EPHA6: variants seen among roughly 807,000 people sequenced by gnomAD.
EPHA6 encodes the protein EPH receptor A6.
A neutral mutation model predicts 112.0 loss-of-function variants in EPHA6; 50 were observed. The ratio of observed to expected loss-of-function variants is 0.45; its 90% CI spans 0.36 to 0.56. The LOEUF is 0.56. EPHA6 is among the 20% of genes least tolerant of loss of function. The pLI, the probability that EPHA6 is intolerant of heterozygous loss-of-function variation, is 0.00. For missense variants in EPHA6, 1,280 were observed against 1,417.4 expected (o/e 0.90, Z 1.56); for synonymous variants, 529 against 490.7 (o/e 1.08, Z -1.03).
chr3:96,957,889 C>T (rs2041818998), intron 2 of EPHA6, among the ~76,000 whole-genome samples: 1 of 152,016 alleles, frequency 6.6e-6, no homozygotes, highest in East Asian at 1.9e-4. Flanking sequence ...GGGTTGTTTT[C>T]ACTACATGTG....
intron 2 of EPHA6, among the ~76,000 whole-genome samples, chr3:96,904,873 A>G (rs1575988411): frequency 6.6e-6 from 1 of 152,266 alleles, no homozygotes; most frequent in East Asian, 1.9e-4. Context: ...AATTAAAACT[A>G]TATTTCACCT....
At chr3:97,467,377 T>C (rs1266725701) in intron 7 of EPHA6, among the ~76,000 whole-genome samples, 1 of 151,866 alleles carries the variant, frequency 6.6e-6, no homozygotes, top group Non-Finnish European at 1.5e-5. Flanking sequence ...AAATTTGTGA[T>C]CCCTAATGAT....
At chr3:96,958,651 C>G (rs958894419) in intron 2 of EPHA6, among the ~76,000 whole-genome samples, 1 of 152,142 alleles carries the variant, frequency 6.6e-6, no homozygotes, top group African/African-American at 2.4e-5. Context: ...ATCTCAAGAA[C>G]TAGACAAACG....
chr3:97,672,197 T>C (rs1485530563), intron 14 of EPHA6, among the ~76,000 whole-genome samples: 1 of 152,222 alleles, frequency 6.6e-6, no homozygotes. Context: ...CAAGATCTGG[T>C]TCTTACCTAT....
intron 2 of EPHA6, among the ~76,000 whole-genome samples, chr3:96,953,877 C>CT (rs201760996): frequency 0.086 from 12,647 of 146,694 alleles, 922 homozygotes; most frequent in Admixed American, 0.22. Flanking sequence ...ATTTCAATAA[C>CT]TTTTTTTTTT....
At chr3:96,927,713 G>T (rs2040110270) in intron 2 of EPHA6, among the ~76,000 whole-genome samples, 1 of 152,082 alleles carries the variant, frequency 6.6e-6, no homozygotes, top group Admixed American at 6.5e-5. Flanking sequence ...TCTCTAGGAG[G>T]TTCCAAATTT....
intron 2 of EPHA6, among the ~76,000 whole-genome samples, chr3:96,888,103 C>T (rs1263644046): frequency 1.3e-5 from 2 of 152,110 alleles, no homozygotes; most frequent in Admixed American, 6.5e-5. Flanking sequence ...CAAGTTCTGG[C>T]CAGGAAGCTT....
intron 1 of EPHA6, among the ~76,000 whole-genome samples, chr3:96,819,813 C>A (rs2107211937): frequency 6.6e-6 from 1 of 151,972 alleles, no homozygotes; most frequent in South Asian, 2.1e-4. Flanking sequence ...GTTTTGTAAA[C>A]TAAAATTTGG....
chr3:96,961,759 G>C (rs1390039579), intron 2 of EPHA6, among the ~76,000 whole-genome samples: 1 of 152,122 alleles, frequency 6.6e-6, no homozygotes, highest in Non-Finnish European at 1.5e-5. Context: ...GTTATCATTT[G>C]GCCAGTGAGT....
At chr3:96,850,958 A>G (rs191396322) in intron 1 of EPHA6, among the ~76,000 whole-genome samples, 7 of 152,258 alleles carry the variant, frequency 4.6e-5, no homozygotes, top group Non-Finnish European at 1.0e-4. Context: ...TTAAAATTCA[A>G]GTATTTTAAA....
intron 3 of EPHA6, among the ~76,000 whole-genome samples, chr3:97,157,054 A>C (rs2076304934): frequency 6.6e-6 from 1 of 152,156 alleles, no homozygotes; most frequent in Admixed American, 6.6e-5. Flanking sequence ...TGAGGTATAA[A>C]AAGTCATATA....
At chr3:97,193,849 A>C (rs2077371025) in intron 3 of EPHA6, among the ~76,000 whole-genome samples, 1 of 152,024 alleles carries the variant, frequency 6.6e-6, no homozygotes, top group Non-Finnish European at 1.5e-5. Context: ...TTCTATCACG[A>C]AGGGATATTG....
intron 7 of EPHA6, among the ~76,000 whole-genome samples, chr3:97,451,923 G>A (rs969554553): frequency 6.6e-6 from 1 of 151,870 alleles, no homozygotes; most frequent in African/African-American, 2.4e-5. Flanking sequence ...GGGTTGGAAA[G>A]GAGTGATCTC....
intron 3 of EPHA6, among the ~76,000 whole-genome samples, chr3:97,158,682 C>T (rs2076344298): frequency 6.6e-6 from 1 of 152,048 alleles, no homozygotes; most frequent in Non-Finnish European, 1.5e-5. Flanking sequence ...AGTGAATCTG[C>T]ATTTTTTACA....
chr3:97,068,838 C>G (rs901013726), intron 3 of EPHA6, among the ~76,000 whole-genome samples: 3 of 152,100 alleles, frequency 2.0e-5, no homozygotes, highest in Admixed American at 6.5e-5. Flanking sequence ...GATCTCCAGT[C>G]CACAACCTGG....
At chr3:97,249,140 C>T (rs2079063516) in intron 5 of EPHA6, among the ~76,000 whole-genome samples, 1 of 151,406 alleles carries the variant, frequency 6.6e-6, no homozygotes, top group South Asian at 2.1e-4. Context: ...TTTATTAAAA[C>T]AGGCAATAAC....
intron 2 of EPHA6, among the ~76,000 whole-genome samples, chr3:96,875,300 G>T (rs2036879299): frequency 6.6e-6 from 1 of 151,976 alleles, no homozygotes; most frequent in African/African-American, 2.4e-5. Flanking sequence ...CTACATCCAG[G>T]TAGTGCAGAG....
intron 3 of EPHA6, among the ~76,000 whole-genome samples, chr3:97,196,510 G>C (rs1243343641): frequency 6.6e-6 from 1 of 151,924 alleles, no homozygotes; most frequent in Non-Finnish European, 1.5e-5. Flanking sequence ...ATTTTGTGAG[G>C]TCATGTTTTC....
intron 2 of EPHA6, among the ~76,000 whole-genome samples, chr3:96,892,135 T>A (rs890067095): frequency 3.3e-5 from 5 of 152,186 alleles, no homozygotes; most frequent in African/African-American, 1.2e-4. Context: ...TGACTTCATA[T>A]AGAGAGATAC....
Sources: gnomAD v4.1 joint callset for allele counts (sites outside exome capture counted in the v4.1 genomes callset) on GRCh38, gnomAD v4.1.1 for gene constraint, MANE v1.5 for transcripts, NCBI Gene and HGNC (gene_info 2026-07-23, HGNC 2026-07-21) for gene names.